KPNA4: variants seen among roughly 807,000 people sequenced by gnomAD.
The protein encoded by KPNA4 is karyopherin subunit alpha 4, also known as importin subunit alpha-3.
Under a neutral mutation model 71.3 loss-of-function variants are expected in KPNA4, and 13 were observed. The observed-to-expected ratio is 0.18, with a 90% CI of 0.12 to 0.29. KPNA4 has a LOEUF of 0.29. Among genes scored for constraint, KPNA4 ranks in the 10% least tolerant of loss-of-function variants. KPNA4 has a pLI of 1.00. For missense variants in KPNA4, 334 were observed against 603.2 expected (o/e 0.55, Z 4.67); for synonymous variants, 189 against 195.2 (o/e 0.97, Z 0.26).
chr3:160,520,267 T>A (rs1040446132), intron 11 of KPNA4, among the ~76,000 whole-genome samples: 15 of 151,900 alleles, frequency 9.9e-5, no homozygotes, highest in African/African-American at 3.1e-4. Flanking sequence ...TTTTTTTTTT[T>A]ATTGAGATGG....
intron 1 of KPNA4, among the ~76,000 whole-genome samples, chr3:160,554,112 G>C (rs148498159): frequency 6.6e-6 from 1 of 152,224 alleles, no homozygotes; most frequent in Non-Finnish European, 1.5e-5. Flanking sequence ...GAGCTGCTTA[G>C]AGTTCAACTG....
At chr3:160,522,536 C>T (rs1415159980) in intron 10 of KPNA4, among the ~76,000 whole-genome samples, 1 of 152,116 alleles carries the variant, frequency 6.6e-6, no homozygotes, top group Non-Finnish European at 1.5e-5. Context: ...CGGTTCACTG[C>T]AAGCTCCGCC....
At chr3:160,552,538 G>T (rs575904633) in intron 1 of KPNA4, among the ~76,000 whole-genome samples, 3 of 152,250 alleles carry the variant, frequency 2.0e-5, no homozygotes, top group Admixed American at 2.0e-4. Context: ...AAGTTTCAGG[G>T]AGCTTATAGT....
At chr3:160,560,199 CA>C (rs1219129842) in intron 1 of KPNA4, among the ~76,000 whole-genome samples, 1 of 152,026 alleles carries the variant, frequency 6.6e-6, no homozygotes, top group African/African-American at 2.4e-5. Context: ...TGGTAAAGTA[CA>C]AAAAGAACAG....
intron 15 of KPNA4, among the ~76,000 whole-genome samples, 174 bp downstream of exon 15, chr3:160,507,933 C>T (rs1375224889): frequency 6.6e-6 from 1 of 152,182 alleles, no homozygotes; most frequent in African/African-American, 2.4e-5. Context: ...ATTCAGTTAC[C>T]TAAGCATATG....
intron 2 of KPNA4, among the ~76,000 whole-genome samples, 187 bp downstream of exon 2, chr3:160,536,609 T>C (rs1721699365): frequency 1.3e-5 from 2 of 152,076 alleles, no homozygotes; most frequent in South Asian, 4.1e-4. Flanking sequence ...AATCTCTCCT[T>C]TTTCTAAAGA....
At chr3:160,530,134 C>CAAAAAAAAAAA (rs746257397) in intron 7 of KPNA4, among the ~76,000 whole-genome samples, 1 of 38,530 alleles carries the variant, frequency 2.6e-5, no homozygotes, top group Non-Finnish European at 6.0e-5. Context: ...GACTCCATCT[C>CAAAAAAAAAAA]AAAAAAAAAA....
At chr3:160,551,833 G>A (rs1722044926) in intron 1 of KPNA4, among the ~76,000 whole-genome samples, 2 of 151,608 alleles carry the variant, frequency 1.3e-5, no homozygotes, top group Admixed American at 1.3e-4. Context: ...ATGATGTTCT[G>A]GGAAGTTTAC....
Position 160,535,386 on chromosome 3 carries a change from ATTACTAT to A in KPNA4, c.287+120_287+126del, listed in dbSNP as rs1721667756. ...TTAAAAAAATAAATTTAGTTGATCT[ATTACTAT>A]TTACTATTGTTTGTCATCAAGTTAA... is the stretch of plus-strand genomic sequence containing the variant. On this transcript the variant is annotated intron_variant, in intron 5 of 16. Coordinates refer to ENST00000334256, the MANE Select transcript of KPNA4 (RefSeq NM_002268.5). The A allele has an allele frequency of 5.2e-6, 3 of 575,392 alleles. No homozygotes were observed. In the East Asian group the frequency reaches 8.8e-5, roughly 17 times the overall value. 35.6% of individuals were successfully genotyped at this position (575,392 alleles called of 1,614,324 possible). A position where few individuals can be genotyped will look rare whatever the true frequency, so the allele number is the denominator to read the frequency against.
chr3:160,565,449 C>G lies in KPNA4; in HGVS notation c.-167G>C. ...GCCTCCGCCGCGGCCTTCTCCTCTC[C>G]CCGCCCGCCCCCCCGCCCTAACCCC... On this transcript the variant is annotated 5_prime_UTR_variant, in exon 1 of 17. Coordinates refer to ENST00000334256, the MANE Select transcript of KPNA4 (RefSeq NM_002268.5). The G allele has an allele frequency of 5.0e-6, 3 of 597,568 alleles. No homozygotes were observed. Among genetic ancestry groups the G allele is most frequent in the Non-Finnish European group, 8.8e-6 (3 of 340,356 alleles). The allele number at this position is 597,568 out of a possible 1,614,324, so 37.0% of individuals were successfully genotyped here. A position where few individuals can be genotyped will look rare whatever the true frequency, so the allele number is the denominator to read the frequency against.
intron 13 of KPNA4, among the ~76,000 whole-genome samples, chr3:160,511,419 T>C (rs1240855973): frequency 6.6e-6 from 1 of 152,192 alleles, no homozygotes; most frequent in Non-Finnish European, 1.5e-5. Flanking sequence ...TTCTTTAAAG[T>C]ACTATTTAAC....
chr3:160,530,134 CAAAAAAAA>C (rs746257397), intron 7 of KPNA4, among the ~76,000 whole-genome samples: 1 of 38,528 alleles, frequency 2.6e-5, no homozygotes, highest in African/African-American at 7.1e-5. Context: ...GACTCCATCT[CAAAAAAAA>C]AAAAAAAAAA....
At position 160,505,029 on chromosome 3, in the gene KPNA4, G is replaced by T; in HGVS notation, c.1396C>A (p.Gln466Lys). ...TAGATGTCTTCATTTTCATGATTTT[G>T]AAGTTGTTCAATTTTCTCCAGCCCT... is the stretch of plus-strand genomic sequence containing the variant. ...CGGLEKIEQL[Q>K]NHENEDIYKL... Residue 466 changes from glutamine to lysine, a missense_variant, in exon 16 of 17, where the codon CAA (glutamine) becomes AAA (lysine). Coordinates refer to ENST00000334256, the MANE Select transcript of KPNA4 (RefSeq NM_002268.5). The T allele has an allele frequency of 6.4e-7, 1 of 1,560,484 alleles. No individual in the cohort carries two copies. The highest frequency in any genetic ancestry group is 1.2e-5 in the South Asian group (1 of 80,152).
rs1414338500 is a variant in KPNA4, at chr3:160,502,216, A to G, written c.1468-14T>C. 8 of 1,402,692 alleles carry G rather than the reference A, an allele frequency of 5.7e-6. No individual in the cohort carries two copies. In the South Asian group the frequency reaches 6.8e-5, roughly 12 times the overall value. The allele number at this position is 1,402,692 out of a possible 1,614,324, so 86.9% of individuals were successfully genotyped here. On this transcript the variant is annotated splice_polypyrimidine_tract_variant and intron_variant, in intron 16 of 16. Coordinates refer to ENST00000334256, the MANE Select transcript of KPNA4 (RefSeq NM_002268.5). ...GTCTTCATCAATCTAGGTGAAAAAA[A>G]AGAAAAAGAATGTGATAATTAGTTT...
intron 1 of KPNA4, among the ~76,000 whole-genome samples, chr3:160,539,302 T>C (rs1721751757): frequency 6.6e-6 from 1 of 152,212 alleles, no homozygotes; most frequent in African/African-American, 2.4e-5. Context: ...AATAACAAAA[T>C]AGGCTGCAAA....
rs529468006 is a variant in KPNA4 at position 160,546,891 on chromosome 3, A to G, written c.70-10051T>C. Among the ~76,000 whole-genome samples, 18 of 152,324 alleles carry G rather than the reference A, an allele frequency of 1.2e-4. No individual in the cohort carries two copies. In the South Asian group the frequency reaches 3.5e-3, roughly 30 times the overall value. The stretch of plus-strand genomic sequence containing the variant: ...CTAAAACTGAGCCCTGGTATCTACA[A>G]AACATTAAATTTTCTCAAAATGGAA... On this transcript the variant is annotated intron_variant, in intron 1 of 16. Coordinates refer to ENST00000334256, the MANE Select transcript of KPNA4 (RefSeq NM_002268.5).
In KPNA4 at chr3:160,565,526, G is replaced by A. The variant is rs1722335048; in HGVS notation, c.-244C>T. 1 of 542,432 alleles carries A rather than the reference G, an allele frequency of 1.8e-6. No homozygotes were observed. Among genetic ancestry groups the A allele is most frequent in the Non-Finnish European group, 3.2e-6 (1 of 309,128 alleles). 33.6% of individuals were successfully genotyped at this position (542,432 alleles called of 1,614,324 possible). A position where few individuals can be genotyped will look rare whatever the true frequency, so the allele number is the denominator to read the frequency against. ...AACTGTGGGGCCGGGCGGCGGCAAG[G>A]CGACGGAATGTGCTGCCGGCTGAGA... On this transcript the variant is annotated 5_prime_UTR_variant, in exon 1 of 17. Coordinates refer to ENST00000334256, the MANE Select transcript of KPNA4 (RefSeq NM_002268.5).
chr3:160,524,369 G>T (rs1045569256), intron 10 of KPNA4, among the ~76,000 whole-genome samples: 6 of 151,932 alleles, frequency 3.9e-5, no homozygotes, highest in East Asian at 1.9e-4. Context: ...TTGAGACAGG[G>T]TCTTGCTCTG....
chr3:160,529,845 T>C (rs1454028351), intron 7 of KPNA4, among the ~76,000 whole-genome samples: 1 of 151,912 alleles, frequency 6.6e-6, no homozygotes, highest in East Asian at 1.9e-4. Flanking sequence ...AAATATATGA[T>C]ATGGCCGGGC....
Sources: allele counts gnomAD v4.1 joint callset (sites outside exome capture counted in the v4.1 genomes callset), GRCh38; gene constraint gnomAD v4.1.1; transcripts MANE v1.5; gene names NCBI Gene and HGNC (gene_info 2026-07-23, HGNC 2026-07-21).